TMEM266: variants seen among roughly 807,000 people sequenced by gnomAD.
The protein encoded by TMEM266 is Hv1 related protein 1.
A neutral mutation model predicts 50.5 loss-of-function variants in TMEM266; 33 were observed. The ratio of observed to expected loss-of-function variants is 0.65; its 90% CI spans 0.50 to 0.87. TMEM266 has a LOEUF of 0.87. Ranked by LOEUF, TMEM266 falls within the 40% of genes least tolerant of loss-of-function variation. The probability of loss-of-function intolerance (pLI) is 0.00; values close to 1 mark genes in which losing one functional copy is unlikely to be tolerated. For missense variants in TMEM266, 655 were observed against 695.1 expected, an observed-to-expected ratio of 0.94 and a Z score of 0.65; for synonymous variants, 310 against 292.3, an observed-to-expected ratio of 1.06 and a Z score of -0.62.
chr15:76,067,582 G>A (rs368852613), intron 1 of TMEM266, among the ~76,000 whole-genome samples: 6 of 148,470 alleles, frequency 4.0e-5, no homozygotes, highest in Admixed American at 6.7e-5. Context: ...GCAATGAGCC[G>A]AGATTGCGCC....
In TMEM266 at chr15:76,161,822, G is replaced by C. The variant is rs1192290757; in HGVS notation, c.456+1654G>C. On this transcript the variant is annotated intron_variant, in intron 5 of 10. Coordinates refer to ENST00000388942, the MANE Select transcript of TMEM266 (RefSeq NM_152335.3). This position sits in a 1 kb window ranked among gnomAD's most constrained non-coding sequence, Gnocchi z 4.1. Reference sequence around the variant, plus strand: ...TGGCCTCTTGTCTCTGCCCGGCCAGGATTCCCTCCCGCAAACACATGGGCC... The same window carrying C: ...TGGCCTCTTGTCTCTGCCCGGCCAGCATTCCCTCCCGCAAACACATGGGCC... Among the ~76,000 whole-genome samples, 1 of 152,204 alleles carries C rather than the reference G, an allele frequency of 6.6e-6. No individual in the cohort carries two copies. The highest frequency in any genetic ancestry group is 2.4e-5 in the African/African-American group (1 of 41,452).
chr15:76,126,815 C>A (rs887297713), intron 1 of TMEM266, among the ~76,000 whole-genome samples: 2 of 152,128 alleles, frequency 1.3e-5, no homozygotes, highest in African/African-American at 4.8e-5. Context: ...AGGCGTGAGC[C>A]ACTGTGCCCA....
At chr15:76,174,126 A>G (rs1331577824) in intron 7 of TMEM266, among the ~76,000 whole-genome samples, 2 of 152,290 alleles carry the variant, frequency 1.3e-5, no homozygotes, top group African/African-American at 2.4e-5. Flanking sequence ...CGTGCCAACT[A>G]TCACATCCTC....
At chr15:76,109,959 C>T (rs2037143317) in intron 1 of TMEM266, among the ~76,000 whole-genome samples, 1 of 151,666 alleles carries the variant, frequency 6.6e-6, no homozygotes, top group African/African-American at 2.4e-5. Flanking sequence ...CATGCCTGGC[C>T]AGGTTTTTCT....
At chr15:76,085,813 G>A (rs7170171) in intron 1 of TMEM266, among the ~76,000 whole-genome samples, 82,031 of 152,008 alleles carry the variant, frequency 0.54, 22,589 homozygotes, top group Admixed American at 0.68. Context: ...TTGGGAGGCC[G>A]AGGTGGGCGG....
intron 3 of TMEM266, among the ~76,000 whole-genome samples, chr15:76,149,426 G>T (rs1385894194): frequency 6.6e-6 from 1 of 152,094 alleles, no homozygotes; most frequent in African/African-American, 2.4e-5. Context: ...AGCATTTGGT[G>T]GTCATATGAG....
chr15:76,064,534 G>A (rs1230539417), intron 1 of TMEM266, among the ~76,000 whole-genome samples: 2 of 152,202 alleles, frequency 1.3e-5, no homozygotes, highest in Admixed American at 1.3e-4. Context: ...ATGGAAAGAA[G>A]CCTGGGAGAA....
chr15:76,175,258 A>G, intron 7 of TMEM266: 1 of 275,250 alleles, frequency 3.6e-6, no homozygotes, highest in South Asian at 4.2e-5. Context: ...TCTTGTGGCC[A>G]CCCATAGCTG....
chr15:76,126,962 C>G (rs2037433521), intron 1 of TMEM266, among the ~76,000 whole-genome samples: 1 of 152,032 alleles, frequency 6.6e-6, no homozygotes, highest in Non-Finnish European at 1.5e-5. Flanking sequence ...TATAAATCTT[C>G]AGTTATAAAA....
chr15:76,119,207 T>G (rs775393374), intron 1 of TMEM266, among the ~76,000 whole-genome samples: 1 of 152,062 alleles, frequency 6.6e-6, no homozygotes, highest in Non-Finnish European at 1.5e-5. Flanking sequence ...TTCTTCTCCT[T>G]TGCTAATGAT....
intron 5 of TMEM266, among the ~76,000 whole-genome samples, chr15:76,167,192 T>G (rs563796514): frequency 6.6e-6 from 1 of 152,088 alleles, no homozygotes; most frequent in Non-Finnish European, 1.5e-5. Flanking sequence ...ACCATATGGC[T>G]GGGCGCGGTG....
chr15:76,092,520 T>A (rs2036862474), intron 1 of TMEM266, among the ~76,000 whole-genome samples: 2 of 151,926 alleles, frequency 1.3e-5, no homozygotes, highest in African/African-American at 4.8e-5. Flanking sequence ...CGAAACCCCG[T>A]ATCTACTAAA....
At chr15:76,124,065 T>C (rs1180463596) in intron 1 of TMEM266, among the ~76,000 whole-genome samples, 1 of 152,242 alleles carries the variant, frequency 6.6e-6, no homozygotes, top group Non-Finnish European at 1.5e-5. Flanking sequence ...CTAACTCCCT[T>C]GGCCAGCTGC....
In TMEM266 at chr15:76,121,433, T is replaced by C. The variant is rs548873079; in HGVS notation, c.-96-12735T>C. Among the ~76,000 whole-genome samples, 4 of 152,204 alleles carry C rather than the reference T, an allele frequency of 2.6e-5. No individual in the cohort carries two copies. The East Asian group carries it at 7.7e-4, about 29-fold the overall frequency. On this transcript the variant is annotated intron_variant, in intron 1 of 10. Coordinates refer to ENST00000388942, the MANE Select transcript of TMEM266 (RefSeq NM_152335.3). ...TTGGTGTTCTTTTTTTTTTATTTCT[T>C]TGAGATGGAGTCTCACTCTGTCACC...
At chr15:76,199,644 C>T (rs1347664449) in intron 9 of TMEM266, among the ~76,000 whole-genome samples, 3 of 152,138 alleles carry the variant, frequency 2.0e-5, no homozygotes, top group Non-Finnish European at 4.4e-5. Context: ...GTGATCACAT[C>T]GGATCTCGGG....
At chr15:76,086,498 G>A (rs1316566059) in intron 1 of TMEM266, among the ~76,000 whole-genome samples, 2 of 152,170 alleles carry the variant, frequency 1.3e-5, no homozygotes, top group Non-Finnish European at 2.9e-5. Context: ...CACAAACAAA[G>A]CAAGGAAAGA....
intron 1 of TMEM266, among the ~76,000 whole-genome samples, chr15:76,089,599 A>AAGTTTAAACATT (rs2036822367): frequency 6.6e-6 from 1 of 152,124 alleles, no homozygotes; most frequent in African/African-American, 2.4e-5. Flanking sequence ...TGTGTATGAT[A>AAGTTTAAACATT]CTAATAAGTT....
chr15:76,157,129 C>T (rs566011962), intron 4 of TMEM266, among the ~76,000 whole-genome samples: 6 of 152,036 alleles, frequency 3.9e-5, no homozygotes, highest in Non-Finnish European at 8.8e-5. Context: ...AGAGAGTTCC[C>T]ATTTACGGAG....
intron 1 of TMEM266, among the ~76,000 whole-genome samples, chr15:76,067,865 G>A (rs2036463065): frequency 6.6e-6 from 1 of 152,032 alleles, no homozygotes; most frequent in Non-Finnish European, 1.5e-5. Context: ...TATTTCTGGA[G>A]AAATCTGAAA....
Sources: gnomAD v4.1 joint callset for allele counts (sites outside exome capture counted in the v4.1 genomes callset) on GRCh38, gnomAD v4.1.1 for gene constraint, Gnocchi (gnomAD v3.1) non-coding constraint, MANE v1.5 for transcripts, NCBI Gene and HGNC (gene_info 2026-07-23, HGNC 2026-07-21) for gene names.